The following NRXN3 variants were observed in gnomAD, a reference collection of about 807,000 sequenced individuals.
The protein encoded by NRXN3 is neurexin III.
A neutral mutation model predicts 137.6 loss-of-function variants in NRXN3; 32 were observed. The ratio of observed to expected loss-of-function variants is 0.23; its 90% CI spans 0.18 to 0.31. NRXN3 has a LOEUF of 0.31. Ranked by LOEUF, NRXN3 falls within the 10% of genes least tolerant of loss-of-function variation. The pLI is 1.00. For missense variants in NRXN3, 1,574 were observed against 2,062.5 expected, an observed-to-expected ratio of 0.76 and a Z score of 4.59; for synonymous variants, 798 against 784.5, an observed-to-expected ratio of 1.02 and a Z score of -0.29.
intron 4 of NRXN3, among the ~76,000 whole-genome samples, chr14:78,512,845 G>A (rs1427638070): frequency 6.6e-6 from 1 of 152,186 alleles, no homozygotes; most frequent in East Asian, 1.9e-4. Flanking sequence ...TAGAATAAGA[G>A]CTTTTCATTT....
intron 15 of NRXN3, among the ~76,000 whole-genome samples, chr14:79,015,241 C>T (rs566844586): frequency 2.6e-5 from 4 of 152,264 alleles, no homozygotes; most frequent in South Asian, 4.1e-4. Flanking sequence ...TTGTTTACCT[C>T]TACAATTGCG....
At chr14:79,259,793 G>C (rs1319694155) in intron 15 of NRXN3, among the ~76,000 whole-genome samples, 1 of 150,872 alleles carries the variant, frequency 6.6e-6, no homozygotes, top group Non-Finnish European at 1.5e-5. Flanking sequence ...TCATAATGTT[G>C]AATGAAAACT....
intron 10 of NRXN3, among the ~76,000 whole-genome samples, chr14:78,934,539 A>G (rs559867629): frequency 6.2e-4 from 94 of 152,112 alleles, no homozygotes; most frequent in African/African-American, 2.1e-3. Context: ...GGCAGCTCCA[A>G]CTCTCCTACC....
rs578115185 is a variant in NRXN3 at position 79,649,731 on chromosome 14, T to TTTTA, written c.3445-14043_3445-14040dup. Among the ~76,000 whole-genome samples, 329 of 152,314 alleles carry TTTTA rather than the reference T, an allele frequency of 2.2e-3. 6 individuals carry two copies. Among genetic ancestry groups the TTTTA allele is most frequent in the African/African-American group, 7.4e-3 (306 of 41,578 alleles). ...CTATTTTTTCCTTCTATAGACTGAA[T>TTTTA]TTTATTTTTATACCAATAGTTTCAA... is the stretch of plus-strand genomic sequence containing the variant. On this transcript the variant is annotated intron_variant, in intron 16 of 20. Transcript: ENST00000335750.
intron 15 of NRXN3, among the ~76,000 whole-genome samples, chr14:79,234,293 AATATATATATATAT>A (rs71131687): frequency 0.062 from 3,454 of 56,162 alleles, 148 homozygotes; most frequent in Middle Eastern, 0.088. Context: ...TTCAATGGTA[AATATATATATATAT>A]ATATATATAT....
chr14:79,635,392 A>C (rs2098395939), intron 16 of NRXN3, among the ~76,000 whole-genome samples: 1 of 152,226 alleles, frequency 6.6e-6, no homozygotes, highest in Non-Finnish European at 1.5e-5. Flanking sequence ...AAATTATTTA[A>C]GCCTATGCAA....
At chr14:78,742,807 C>T (rs1325170985) in intron 8 of NRXN3, among the ~76,000 whole-genome samples, 1 of 152,170 alleles carries the variant, frequency 6.6e-6, no homozygotes, top group Non-Finnish European at 1.5e-5. Context: ...TAATTTATCA[C>T]AGGAACTGCC....
chr14:78,611,111 G>A (rs1285158713), intron 4 of NRXN3, among the ~76,000 whole-genome samples: 1 of 152,028 alleles, frequency 6.6e-6, no homozygotes, highest in Non-Finnish European at 1.5e-5. Context: ...GAAACAACCG[G>A]GCCTCCATGG....
At chr14:79,748,237 C>G (rs572264880) in intron 19 of NRXN3, among the ~76,000 whole-genome samples, 2 of 149,956 alleles carry the variant, frequency 1.3e-5, no homozygotes, top group African/African-American at 4.9e-5. Context: ...AGCTTTATGC[C>G]AAAAAAAATT....
rs1189504739 is a variant in NRXN3 at position 78,778,794 on chromosome 14, TTCTTTC to T, written c.2045-24824_2045-24819del. 1.3e-4 allele frequency among the ~76,000 whole-genome samples: 19 copies of T among 146,236 alleles called. No homozygotes were observed. The East Asian group carries it at 3.2e-3, about 24-fold the overall frequency. On this transcript the variant is annotated intron_variant, in intron 8 of 20. Coordinates refer to ENST00000335750, the MANE Select transcript of NRXN3 (RefSeq NM_001330195.2). Reference sequence around the variant, plus strand: ...TTTCTTTCTTTCTTTCTTTCTTTCTTTCTTTCTTTCTTTCTTTCTTTCTTTCTTTTC... The same window carrying T: ...TTTCTTTCTTTCTTTCTTTCTTTCTTTTTCTTTCTTTCTTTCTTTCTTTTC...
At chr14:78,853,829 T>G (rs576574251) in intron 10 of NRXN3, among the ~76,000 whole-genome samples, 2 of 152,332 alleles carry the variant, frequency 1.3e-5, no homozygotes, top group South Asian at 4.1e-4. Flanking sequence ...CAAAGTCCTC[T>G]TCCCCACTGC....
intron 16 of NRXN3, among the ~76,000 whole-genome samples, chr14:79,593,431 C>A (rs2097827447): frequency 6.6e-6 from 1 of 151,940 alleles, no homozygotes; most frequent in South Asian, 2.1e-4. Context: ...GAGATCGAGA[C>A]CATCCTGGCT....
At chr14:78,676,145 C>T (rs2098002936) in intron 6 of NRXN3, among the ~76,000 whole-genome samples, 1 of 152,080 alleles carries the variant, frequency 6.6e-6, no homozygotes, top group African/African-American at 2.4e-5. Flanking sequence ...CTGTGGCCTC[C>T]AAGTGCTCAA....
At chr14:79,508,785 T>G (rs1297539325) in intron 16 of NRXN3, among the ~76,000 whole-genome samples, 1 of 152,218 alleles carries the variant, frequency 6.6e-6, no homozygotes, top group Non-Finnish European at 1.5e-5. Flanking sequence ...AGTTTTATTT[T>G]CAGTTCAATG....
intron 15 of NRXN3, among the ~76,000 whole-genome samples, chr14:79,253,301 C>T (rs1297571144): frequency 1.3e-5 from 2 of 152,124 alleles, no homozygotes; most frequent in African/African-American, 4.8e-5. Flanking sequence ...AGACAGGGAA[C>T]CCTGTGCGGC....
At chr14:78,759,300 G>C (rs2098682752) in intron 8 of NRXN3, among the ~76,000 whole-genome samples, 1 of 152,168 alleles carries the variant, frequency 6.6e-6, no homozygotes, top group Non-Finnish European at 1.5e-5. Context: ...CAAACATTAA[G>C]TCAGCTCTGT....
At chr14:79,093,110 A>AT (rs767992507) in intron 15 of NRXN3, among the ~76,000 whole-genome samples, 53 of 152,176 alleles carry the variant, frequency 3.5e-4, no homozygotes, top group Admixed American at 3.9e-4. Flanking sequence ...CATACAGTCC[A>AT]TTCATTGTCA....
chr14:78,520,690 C>T (rs1175932521), intron 4 of NRXN3, among the ~76,000 whole-genome samples: 1 of 152,128 alleles, frequency 6.6e-6, no homozygotes, highest in Non-Finnish European at 1.5e-5. Flanking sequence ...CCTGTATACT[C>T]ACAAACTTGT....
intron 20 of NRXN3, among the ~76,000 whole-genome samples, chr14:79,815,651 G>A (rs2099249463): frequency 1.3e-5 from 2 of 152,110 alleles, no homozygotes; most frequent in African/African-American, 2.4e-5. Context: ...AAAGCTGCTT[G>A]CTGATAAATA....
Sources: allele counts gnomAD v4.1 joint callset (sites outside exome capture counted in the v4.1 genomes callset), GRCh38; gene constraint gnomAD v4.1.1; transcripts MANE v1.5; gene names NCBI Gene and HGNC (gene_info 2026-07-23, HGNC 2026-07-21).